FBP2: variants seen among roughly 807,000 people sequenced by gnomAD.
FBP2 encodes fructose-bisphosphatase 2.
Under a neutral mutation model 31.6 loss-of-function variants are expected in FBP2, and 27 were observed. The ratio of observed to expected loss-of-function variants is 0.85; its 90% CI spans 0.63 to 1.18. The LOEUF (loss-of-function observed/expected upper bound fraction) is 1.18. Ranked by LOEUF, FBP2 falls within the 50% of genes most tolerant of loss-of-function variation. The pLI, the probability that FBP2 is intolerant of heterozygous loss-of-function variation, is 0.00. For missense variants in FBP2, 421 were observed against 436.1 expected, an observed-to-expected ratio of 0.97 and a Z score of 0.31; for synonymous variants, 168 against 179.8, an observed-to-expected ratio of 0.93 and a Z score of 0.53.
intron 3 of FBP2, among the ~76,000 whole-genome samples, chr9:94,579,232 A>G (rs1269204494): frequency 6.8e-6 from 1 of 147,444 alleles, no homozygotes; most frequent in Admixed American, 6.8e-5. Flanking sequence ...CCCCGTCTCT[A>G]CTAAAAATAC....
chr9:94,590,103 G>A (rs1027341815), intron 1 of FBP2, among the ~76,000 whole-genome samples: 1 of 151,876 alleles, frequency 6.6e-6, no homozygotes, highest in Non-Finnish European at 1.5e-5. Context: ...TCCAGGCACT[G>A]GGCAGCACCC....
At chr9:94,584,505 C>G (rs549394566) in intron 3 of FBP2, 72 bp downstream of exon 3, 191 of 994,786 alleles carry the variant, frequency 1.9e-4, no homozygotes, top group Non-Finnish European at 2.8e-4. Flanking sequence ...TCCAAACACA[C>G]GGTTTTCAGC....
At chr9:94,561,352 A>ATTTTTTT (rs1174386595) in intron 6 of FBP2, among the ~76,000 whole-genome samples, 1,088 of 55,006 alleles carry the variant, frequency 0.02, 235 homozygotes, top group Admixed American at 0.024. Context: ...TGTGACCTGT[A>ATTTTTTT]TTTTTTTTTT....
chr9:94,593,523 G>T (rs777769948), intron 1 of FBP2, 34 bp downstream of exon 1: 37 of 1,593,630 alleles, frequency 2.3e-5, no homozygotes, highest in Non-Finnish European at 2.8e-5. Flanking sequence ...GGCCTGGGGT[G>T]CTCTGTGCCC....
chr9:94,567,465 G>A (rs750644253), intron 4 of FBP2, 58 bp from the exon 5 acceptor site: 151 of 1,596,322 alleles, frequency 9.5e-5, no homozygotes, highest in Middle Eastern at 5.0e-4. Context: ...CAAGCCAACC[G>A]CACAATCCCC....
At chr9:94,591,824 A>T (rs1392210625) in intron 1 of FBP2, among the ~76,000 whole-genome samples, 3 of 152,212 alleles carry the variant, frequency 2.0e-5, no homozygotes, top group Non-Finnish European at 4.4e-5. Context: ...CTAAGGTCCT[A>T]GCAAGAGTAA....
intron 1 of FBP2, among the ~76,000 whole-genome samples, chr9:94,592,040 A>C (rs1000991144): frequency 2.6e-5 from 4 of 152,146 alleles, no homozygotes; most frequent in African/African-American, 9.7e-5. Context: ...AATCACCCTG[A>C]GATGGACTCA....
At position 94,593,658 on chromosome 9, in the gene FBP2, A is replaced by G. The variant is rs1355188090; in HGVS notation, c.69T>C (p.Arg23=). 1 of 1,614,218 alleles carries G rather than the reference A, an allele frequency of 6.2e-7. No homozygotes were observed. The highest frequency in any genetic ancestry group is 8.5e-7 in the Non-Finnish European group (1 of 1,180,036). The change falls in exon 1 of 7, where the codon CGT becomes CGC. Residue 23 remains arginine, a synonymous_variant. Coordinates refer to ENST00000375337, the MANE Select transcript of FBP2 (RefSeq NM_003837.4). ...TLTRYVMEKG[R]QAKGTGELTQ... ...TGAGCTCCCCAGTCCCTTTGGCCTG[A>G]CGCCCCTTTTCCATAACGTAGCGGG...
intron 2 of FBP2, among the ~76,000 whole-genome samples, chr9:94,585,045 C>A (rs575241482): frequency 6.6e-6 from 1 of 152,102 alleles, no homozygotes; most frequent in Non-Finnish European, 1.5e-5. Context: ...TGATGGCGAC[C>A]GGAACCCCCA....
chr9:94,560,742 AAT>A (rs972024724), intron 6 of FBP2, among the ~76,000 whole-genome samples: 8 of 147,896 alleles, frequency 5.4e-5, no homozygotes, highest in Admixed American at 2.7e-4. Context: ...ATTTACATAT[AAT>A]ATGTTATATA....
chr9:94,585,267 T>TA (rs112310825), intron 2 of FBP2, among the ~76,000 whole-genome samples: 3 of 151,814 alleles, frequency 2.0e-5, no homozygotes, highest in African/African-American at 4.8e-5. Flanking sequence ...TCCAATTTTT[T>TA]AAAAAAAAAT....
At chr9:94,575,063 A>G (rs1386952435) in intron 3 of FBP2, among the ~76,000 whole-genome samples, 1 of 152,176 alleles carries the variant, frequency 6.6e-6, no homozygotes, top group Non-Finnish European at 1.5e-5. Context: ...TGGTGGTAGA[A>G]ATTATGAAAT....
chr9:94,565,828 A>C (rs1314043618), intron 5 of FBP2, among the ~76,000 whole-genome samples: 1 of 152,080 alleles, frequency 6.6e-6, no homozygotes, highest in Non-Finnish European at 1.5e-5. Flanking sequence ...CGAGGGCAGG[A>C]GGGAGGGATA....
intron 1 of FBP2, among the ~76,000 whole-genome samples, chr9:94,590,617 T>C (rs1211468358): frequency 1.3e-5 from 2 of 152,200 alleles, no homozygotes; most frequent in Non-Finnish European, 2.9e-5. Context: ...GAAGTGAAGC[T>C]GCAGATCTTC....
intron 4 of FBP2, chr9:94,570,993 A>G (rs3852401): frequency 0.22 from 33,856 of 152,632 alleles, 6,770 homozygotes; most frequent in African/African-American, 0.54. Flanking sequence ...TTTGGTGGAT[A>G]TTATCTGAGT....
intron 1 of FBP2, among the ~76,000 whole-genome samples, chr9:94,589,180 C>T (rs1230631381): frequency 6.6e-6 from 1 of 152,066 alleles, no homozygotes; most frequent in African/African-American, 2.4e-5. Flanking sequence ...ATGTGTCCAC[C>T]CTGCACCACT....
At chr9:94,567,436 G>C (rs202125739) in intron 4 of FBP2, 29 bp from the exon 5 acceptor site, 1 of 1,583,414 alleles carries the variant, frequency 6.3e-7, no homozygotes, top group Non-Finnish European at 8.5e-7. Context: ...ATGCCAGGAA[G>C]AAGAGAGAAG....
intron 6 of FBP2, among the ~76,000 whole-genome samples, chr9:94,560,530 G>A (rs1199761778): frequency 3.3e-5 from 5 of 152,012 alleles, no homozygotes; most frequent in African/African-American, 7.2e-5. Flanking sequence ...TGCAACCTGT[G>A]TAACTTCCCA....
chr9:94,572,313 G>A lies in FBP2; in HGVS notation c.427-711C>T, dbSNP rs7865241. 7.9e-3 allele frequency among the ~76,000 whole-genome samples: 1,200 copies of A among 152,068 alleles called. 19 individuals are homozygous for A. The highest frequency in any genetic ancestry group is 0.027 in the African/African-American group (1,119 of 41,486). On this transcript the variant is annotated intron_variant, in intron 3 of 6. Transcript: ENST00000375337. ...TGCTACATTTGTATTGAGTTACCCCGTCTCCCACGACACACACACACGCAC... is the reference window on the plus strand; with the variant it reads ...TGCTACATTTGTATTGAGTTACCCCATCTCCCACGACACACACACACGCAC...
Sources: allele counts gnomAD v4.1 joint callset (sites outside exome capture counted in the v4.1 genomes callset), GRCh38; gene constraint gnomAD v4.1.1; transcripts MANE v1.5; gene names NCBI Gene and HGNC (gene_info 2026-07-23, HGNC 2026-07-21).